KIAA0232: variants seen among roughly 807,000 people sequenced by gnomAD.
KIAA0232 encodes the protein uncharacterized protein KIAA0232.
In KIAA0232, 27 loss-of-function variants were observed where a neutral mutation model predicts 122.0. The observed-to-expected ratio is 0.22, with a 90% CI of 0.16 to 0.31. The LOEUF is 0.31. Ranked by LOEUF, KIAA0232 falls within the 10% of genes least tolerant of loss-of-function variation. The pLI, the probability that KIAA0232 is intolerant of heterozygous loss-of-function variation, is 1.00. For missense variants in KIAA0232, 1,551 were observed against 1,634.2 expected (o/e 0.95, Z 0.88); for synonymous variants, 613 against 587.6 (o/e 1.04, Z -0.63).
chr4:6,874,842 G>A (rs13115900), intron 8 of KIAA0232, among the ~76,000 whole-genome samples: 37,752 of 150,434 alleles, frequency 0.25, 5,301 homozygotes, highest in Non-Finnish European at 0.31. Flanking sequence ...GCATCATGAA[G>A]ACTATCAGCA....
At position 6,782,787 on chromosome 4, in the gene KIAA0232, GA is replaced by G. The variant is rs1716400042; in HGVS notation, c.-407del. On this transcript the variant is annotated 5_prime_UTR_variant, in exon 1 of 10. Coordinates refer to ENST00000307659, the MANE Select transcript of KIAA0232 (RefSeq NM_014743.3). ...CTCGGCAGCCGCCCGCAGCCCCTCG[GA>G]GCCAGAGGAGAGGCGCCCCCGCCGG... The G allele has an allele frequency of 6.7e-6, 1 of 148,974 alleles. No individual in the cohort carries two copies. The highest frequency in any genetic ancestry group is 2.4e-5 in the African/African-American group (1 of 41,052). The allele number at this position is 148,974 out of a possible 1,614,324, so 9.2% of individuals were successfully genotyped here.
chr4:6,845,734 A>G (rs1719922492), intron 4 of KIAA0232, among the ~76,000 whole-genome samples: 1 of 152,138 alleles, frequency 6.6e-6, no homozygotes, highest in Admixed American at 6.5e-5. Flanking sequence ...TTTGGACCAA[A>G]GTTGCTGAGA....
At chr4:6,836,684 AG>A (rs1719298516) in intron 3 of KIAA0232, among the ~76,000 whole-genome samples, 1 of 151,652 alleles carries the variant, frequency 6.6e-6, no homozygotes. Flanking sequence ...TCCTAGGCAG[AG>A]GGCCCTGCCG....
At chr4:6,876,889 G>A in intron 9 of KIAA0232, 132 bp downstream of exon 9, 3 of 637,516 alleles carry the variant, frequency 4.7e-6, no homozygotes, top group Non-Finnish European at 8.5e-6. Context: ...GCCTGTGGGT[G>A]CAGACTTCCT....
intron 3 of KIAA0232, among the ~76,000 whole-genome samples, chr4:6,828,278 G>A (rs1009841753): frequency 1.3e-5 from 2 of 152,234 alleles, no homozygotes; most frequent in Non-Finnish European, 2.9e-5. Flanking sequence ...GGAAGCTGAG[G>A]TAGGAGGATC....
chr4:6,814,881 C>T (rs927213788), intron 2 of KIAA0232, among the ~76,000 whole-genome samples: 2 of 151,904 alleles, frequency 1.3e-5, no homozygotes, highest in African/African-American at 2.4e-5. Context: ...TTAATAGAAA[C>T]GATTTAAACT....
rs752401357 is a variant in KIAA0232 at position 6,880,779 on chromosome 4, A to C, written c.4009-8A>C. The C allele has an allele frequency of 1.3e-6, 2 of 1,512,446 alleles. No individual in the cohort carries two copies. Among genetic ancestry groups the C allele is most frequent in the Non-Finnish European group, 1.8e-6 (2 of 1,126,498 alleles). The allele number at this position is 1,512,446 out of a possible 1,614,324, so 93.7% of individuals were successfully genotyped here. A position where few individuals can be genotyped will look rare whatever the true frequency, so the allele number is the denominator to read the frequency against. On this transcript the variant is annotated splice_polypyrimidine_tract_variant and splice_region_variant and intron_variant, in intron 9 of 9. Coordinates refer to ENST00000307659, the MANE Select transcript of KIAA0232 (RefSeq NM_014743.3). ...TTTTTGATGTGTTGAAAATTGTTTT[A>C]ATCTTAGGTGTCTTCTGTTTATGAA...
intron 4 of KIAA0232, among the ~76,000 whole-genome samples, chr4:6,852,741 T>G (rs1720360057): frequency 6.6e-6 from 1 of 152,226 alleles, no homozygotes. Flanking sequence ...TGTTCTTGCT[T>G]GGGGTCTGTG....
chr4:6,841,900 A>C (rs75192148), intron 3 of KIAA0232, among the ~76,000 whole-genome samples, 167 bp from the exon 4 acceptor site: 336 of 152,306 alleles, frequency 2.2e-3, no homozygotes, highest in African/African-American at 7.7e-3. Context: ...AATCAAGATA[A>C]TCCGTCTTGG....
At chr4:6,783,850 C>A (rs1716485047) in intron 1 of KIAA0232, among the ~76,000 whole-genome samples, 1 of 152,198 alleles carries the variant, frequency 6.6e-6, no homozygotes, top group Admixed American at 6.5e-5. Context: ...GATCCGGCTC[C>A]TTTCCAACAA....
rs1718565918 is a variant in KIAA0232 at position 6,824,289 on chromosome 4, G to T, written c.-165G>T. 1 of 635,798 alleles carries T rather than the reference G, an allele frequency of 1.6e-6. No homozygotes were observed. Among genetic ancestry groups the T allele is most frequent in the Non-Finnish European group, 2.8e-6 (1 of 352,318 alleles). 39.4% of individuals were successfully genotyped at this position (635,798 alleles called of 1,614,324 possible). A position where few individuals can be genotyped will look rare whatever the true frequency, so the allele number is the denominator to read the frequency against. On this transcript the variant is annotated 5_prime_UTR_variant, in exon 3 of 10. An upstream open reading frame in the 5' UTR gains an earlier in-frame stop. Coordinates refer to ENST00000307659, the MANE Select transcript of KIAA0232 (RefSeq NM_014743.3). ...TGTTGATTCATTAGTCATGCCTGAA[G>T]AGGGAAAGTCTGTTTTAGGTGGCTG...
chr4:6,829,609 T>C (rs976377822), intron 3 of KIAA0232, among the ~76,000 whole-genome samples: 1 of 152,226 alleles, frequency 6.6e-6, no homozygotes, highest in African/African-American at 2.4e-5. Context: ...ACCTCGAAAG[T>C]AAGTATTAAG....
intron 7 of KIAA0232, 113 bp downstream of exon 7, chr4:6,864,296 T>C (rs995478335): frequency 1.8e-5 from 22 of 1,209,544 alleles, no homozygotes; most frequent in Non-Finnish European, 3.4e-6. Context: ...TTAGCTTAAA[T>C]GTCTTAAAAC....
intron 1 of KIAA0232, among the ~76,000 whole-genome samples, chr4:6,791,599 G>A (rs184730182): frequency 1.3e-5 from 2 of 152,138 alleles, no homozygotes; most frequent in East Asian, 3.9e-4. Flanking sequence ...AAAATGCTGG[G>A]ATTACAGGCG....
At chr4:6,815,916 ACCT>A (rs1718100258) in intron 2 of KIAA0232, among the ~76,000 whole-genome samples, 1 of 152,054 alleles carries the variant, frequency 6.6e-6, no homozygotes, top group Non-Finnish European at 1.5e-5. Flanking sequence ...ATTTTGTCTC[ACCT>A]CCTTGAATCC....
Position 6,804,516 on chromosome 4 carries a change from T to C in KIAA0232, c.-353-7T>C, listed in dbSNP as rs1300109457. On this transcript the variant is annotated splice_region_variant and splice_polypyrimidine_tract_variant and intron_variant, in intron 1 of 9. Transcript: ENST00000307659. ...GATACTAAAATGCCTGCTTCACTGTTGTGTAGGTAGTGTACACTGATAAAG... is the reference window on the plus strand; with the variant it reads ...GATACTAAAATGCCTGCTTCACTGTCGTGTAGGTAGTGTACACTGATAAAG... 1 of 152,256 alleles carries C rather than the reference T, an allele frequency of 6.6e-6. No individual in the cohort carries two copies. The highest frequency in any genetic ancestry group is 2.4e-5 in the African/African-American group (1 of 41,468). 9.4% of individuals were successfully genotyped at this position (152,256 alleles called of 1,614,324 possible).
chr4:6,846,836 T>C (rs1719991470), intron 4 of KIAA0232, among the ~76,000 whole-genome samples: 3 of 152,116 alleles, frequency 2.0e-5, no homozygotes, highest in African/African-American at 7.2e-5. Context: ...CACAATTTTA[T>C]TTTGTGTTTT....
At position 6,816,279 on chromosome 4, in the gene KIAA0232, C is replaced by CT. The variant is rs1255181790; in HGVS notation, c.-269-7898dup. ...TGGTCTTCTTTGTTTCTTATAATGT[C>CT]TTTTTTTTGTTTTTTTTTTTTGAGA... On this transcript the variant is annotated intron_variant, in intron 2 of 9. Transcript: ENST00000307659. Among the ~76,000 whole-genome samples, 415 of 142,432 alleles carry CT rather than the reference C, an allele frequency of 2.9e-3. 1 individual carries two copies. The highest frequency in any genetic ancestry group is 9.9e-3 in the African/African-American group (381 of 38,598). 93.4% of individuals were successfully genotyped at this position (142,432 alleles called of 152,430 possible).
intron 4 of KIAA0232, among the ~76,000 whole-genome samples, chr4:6,849,300 C>T (rs1330800430): frequency 6.6e-6 from 1 of 152,078 alleles, no homozygotes; most frequent in Non-Finnish European, 1.5e-5. Context: ...GGAAGACAGC[C>T]AAGGGTTTTG....
Sources: gnomAD v4.1 joint callset for allele counts (sites outside exome capture counted in the v4.1 genomes callset) on GRCh38, gnomAD v4.1.1 for gene constraint, MANE v1.5 for transcripts, NCBI Gene and HGNC (gene_info 2026-07-23, HGNC 2026-07-21) for gene names.